ARHGAP26: variants seen among roughly 807,000 people sequenced by gnomAD.
ARHGAP26 encodes the protein rho GTPase-activating protein 26.
In ARHGAP26, 38 loss-of-function variants were observed where a neutral mutation model predicts 104.8. That is an observed-to-expected ratio of 0.36 (90% CI 0.28 to 0.48). The LOEUF (loss-of-function observed/expected upper bound fraction) is 0.48. Among genes scored for constraint, ARHGAP26 ranks in the 20% least tolerant of loss-of-function variants. ARHGAP26 has a pLI of 0.99. For missense variants in ARHGAP26, 704 were observed against 947.9 expected (o/e 0.74, Z 3.38); for synonymous variants, 341 against 340.0 (o/e 1.00, Z -0.03).
At chr5:142,772,891 T>G (rs1475283143) in intron 1 of ARHGAP26, 1 of 533,474 alleles carries the variant, frequency 1.9e-6, no homozygotes, top group East Asian at 5.4e-5. Flanking sequence ...CACTAGTTTT[T>G]GGGGGCAAGA....
intron 10 of ARHGAP26, among the ~76,000 whole-genome samples, chr5:142,925,533 A>C (rs1266997675): frequency 6.6e-6 from 1 of 152,200 alleles, no homozygotes; most frequent in Non-Finnish European, 1.5e-5. Context: ...GTGTAAATGA[A>C]GCTCTTCTGA....
rs114401870 is a variant in ARHGAP26 at position 142,918,064 on chromosome 5, C to T, written c.1028+4771C>T. Among the ~76,000 whole-genome samples, 504 of 152,252 alleles carry T rather than the reference C, an allele frequency of 3.3e-3. 3 individuals carry two copies. Among genetic ancestry groups the T allele is most frequent in the African/African-American group, 0.011 (466 of 41,560 alleles). ...ACTGAAAATCAAATTAAGTGTTAATCCAGGCCAATGGGATTTAGATCTATG... is the reference window on the plus strand; with the variant it reads ...ACTGAAAATCAAATTAAGTGTTAATTCAGGCCAATGGGATTTAGATCTATG... On this transcript the variant is annotated intron_variant, in intron 10 of 22. Transcript: ENST00000645722.
In ARHGAP26 at chr5:142,875,137, T is replaced by A; in HGVS notation, c.278T>A (p.Val93Asp). ...AGATCTTTGCAGGAGTTTGCCACTG[T>A]CCTCAGGAATCTTGAAGATGAACGG... The part of the protein sequence containing the change: ...IARSLQEFAT[V>D]LRNLEDERIR... The change falls in exon 3 of 23, where the codon GTC (valine) becomes GAC (aspartate). Residue 93 changes from valine (V) to aspartate (D), a missense_variant. Transcript: ENST00000645722. 6.2e-7 allele frequency: 1 copy of A among 1,614,120 alleles called. No individual in the cohort carries two copies. Among genetic ancestry groups the A allele is most frequent in the Non-Finnish European group, 8.5e-7 (1 of 1,180,002 alleles).
chr5:142,805,666 GCAGCT>G (rs1284913125), intron 1 of ARHGAP26, among the ~76,000 whole-genome samples: 1 of 152,148 alleles, frequency 6.6e-6, no homozygotes, highest in Non-Finnish European at 1.5e-5. Context: ...AGCTAATGAG[GCAGCT>G]GTAACCTGGA....
intron 4 of ARHGAP26, among the ~76,000 whole-genome samples, chr5:142,883,547 C>T (rs1192722397): frequency 6.6e-6 from 1 of 152,170 alleles, no homozygotes; most frequent in Non-Finnish European, 1.5e-5. Flanking sequence ...GTTATTCTGC[C>T]CACTCTGTGA....
At chr5:143,061,955 A>C (rs1235563899) in intron 17 of ARHGAP26, among the ~76,000 whole-genome samples, 1 of 152,216 alleles carries the variant, frequency 6.6e-6, no homozygotes, top group Non-Finnish European at 1.5e-5. Context: ...GGTCCAGAGC[A>C]GTCATTGAGG....
At chr5:143,045,257 C>G (rs978391507) in intron 14 of ARHGAP26, among the ~76,000 whole-genome samples, 1 of 152,174 alleles carries the variant, frequency 6.6e-6, no homozygotes, top group Non-Finnish European at 1.5e-5. Context: ...GGGCAGCTGC[C>G]TCTGCCAGGA....
At position 143,095,204 on chromosome 5, in the gene ARHGAP26, ATT is replaced by A. The variant is rs1330431825; in HGVS notation, c.1539-25778_1539-25777del. 7.3e-5 allele frequency among the ~76,000 whole-genome samples: 11 copies of A among 151,442 alleles called. No individual in the cohort carries two copies. In the East Asian group the frequency reaches 2.1e-3, roughly 29 times the overall value. On this transcript the variant is annotated intron_variant, in intron 17 of 22. Transcript: ENST00000645722. ...AAACATATATACACAGTCACATACA[ATT>A]TTTTTATTGAGGTGAAATTCACTTA...
intron 11 of ARHGAP26, among the ~76,000 whole-genome samples, chr5:142,997,373 T>G (rs866014369): frequency 2.6e-4 from 40 of 152,142 alleles, no homozygotes; most frequent in Middle Eastern, 3.2e-3. Flanking sequence ...TTGTTTCAGC[T>G]GTCATACTGT....
At chr5:142,936,724 A>G (rs558613973) in intron 11 of ARHGAP26, among the ~76,000 whole-genome samples, 83 of 152,258 alleles carry the variant, frequency 5.5e-4, no homozygotes, top group Non-Finnish European at 1.1e-3. Flanking sequence ...ACTCACACAA[A>G]TATGCCCAAT....
chr5:143,053,188 G>T (rs1785286461), intron 14 of ARHGAP26, among the ~76,000 whole-genome samples: 1 of 152,180 alleles, frequency 6.6e-6, no homozygotes, highest in African/African-American at 2.4e-5. Flanking sequence ...GTGAGTCCTG[G>T]AGAGTTACTC....
chr5:143,167,122 G>T (rs1802071503), intron 20 of ARHGAP26, among the ~76,000 whole-genome samples: 1 of 151,964 alleles, frequency 6.6e-6, no homozygotes, highest in African/African-American at 2.4e-5. Context: ...AATTGCATTT[G>T]ATATATTCTG....
At chr5:143,044,237 C>G (rs1049487224) in intron 14 of ARHGAP26, among the ~76,000 whole-genome samples, 3 of 152,160 alleles carry the variant, frequency 2.0e-5, no homozygotes, top group Non-Finnish European at 4.4e-5. Context: ...AAATCCAAGA[C>G]AGAAGCATGG....
chr5:143,208,443 AAAG>A (rs1441025966), intron 21 of ARHGAP26, among the ~76,000 whole-genome samples: 2 of 152,232 alleles, frequency 1.3e-5, no homozygotes, highest in Non-Finnish European at 2.9e-5. Context: ...TTTTAGAAGA[AAAG>A]AAAACCCCAT....
At chr5:142,888,777 G>A (rs1180577789) in intron 5 of ARHGAP26, among the ~76,000 whole-genome samples, 1 of 152,222 alleles carries the variant, frequency 6.6e-6, no homozygotes, top group African/African-American at 2.4e-5. Context: ...AATACTCACT[G>A]GACGCTTCTG....
intron 11 of ARHGAP26, among the ~76,000 whole-genome samples, chr5:142,977,568 A>G (rs971576836): frequency 6.6e-6 from 1 of 152,056 alleles, no homozygotes; most frequent in African/African-American, 2.4e-5. Context: ...GGATCTTTGG[A>G]CATTTGCCTC....
intron 1 of ARHGAP26, among the ~76,000 whole-genome samples, chr5:142,782,015 G>A (rs904756625): frequency 6.6e-5 from 10 of 152,082 alleles, no homozygotes; most frequent in Non-Finnish European, 2.9e-5. Context: ...GCGCCTGGCC[G>A]ATTCATGGTG....
chr5:142,873,317 C>A, intron 1 of ARHGAP26, 83 bp from the exon 2 acceptor site: 1 of 982,622 alleles, frequency 1.0e-6, no homozygotes, highest in Non-Finnish European at 1.5e-6. Context: ...TAAGATATTC[C>A]TAGAAGGACC....
intron 12 of ARHGAP26, among the ~76,000 whole-genome samples, chr5:143,026,562 C>T (rs943814252): frequency 5.9e-5 from 9 of 152,106 alleles, no homozygotes; most frequent in Admixed American, 3.9e-4. Context: ...CCTGAGGTGA[C>T]GTGAGCTACT....
Sources: gnomAD v4.1 joint callset for allele counts (sites outside exome capture counted in the v4.1 genomes callset) on GRCh38, gnomAD v4.1.1 for gene constraint, MANE v1.5 for transcripts, NCBI Gene and HGNC (gene_info 2026-07-23, HGNC 2026-07-21) for gene names.